Variants in PLCB1 observed in about 807,000 individuals in gnomAD.
PLCB1 encodes 1-phosphatidylinositol 4,5-bisphosphate phosphodiesterase beta-1.
A neutral mutation model predicts 161.8 loss-of-function variants in PLCB1; 46 were observed. That is an observed-to-expected ratio of 0.28 (90% CI 0.22 to 0.36). PLCB1 has a LOEUF of 0.36. Among genes scored for constraint, PLCB1 ranks in the 10% least tolerant of loss-of-function variants. PLCB1 has a pLI of 1.00. For synonymous variants in PLCB1, 517 were observed against 503.7 expected (o/e 1.03, Z -0.35); for missense variants, 1,016 against 1,472.5 (o/e 0.69, Z 5.07).
intron 2 of PLCB1, among the ~76,000 whole-genome samples, chr20:8,255,141 T>G (rs919699602): frequency 6.6e-6 from 1 of 152,060 alleles, no homozygotes; most frequent in African/African-American, 2.4e-5. Flanking sequence ...AACTCCAGTG[T>G]TTTTCAAACT....
In PLCB1 at chr20:8,871,359, G is replaced by A. The variant is rs576926425; in HGVS notation, c.3424-10263G>A. Among the ~76,000 whole-genome samples the A allele has an allele frequency of 2.0e-5, 3 of 152,288 alleles. No homozygotes were observed. In the East Asian group the frequency reaches 5.8e-4, roughly 29 times the overall value. On this transcript the variant is annotated intron_variant, in intron 31 of 31. Coordinates refer to ENST00000338037, the MANE Select transcript of PLCB1 (RefSeq NM_015192.4). ...GTCATCTATTGTATGTCCAATGGAG[G>A]AAGTGTTGAGAGCTTCTGCCCAAAA...
intron 31 of PLCB1, among the ~76,000 whole-genome samples, chr20:8,817,064 A>G (rs139245873): frequency 2.4e-3 from 363 of 152,328 alleles, no homozygotes; most frequent in African/African-American, 8.3e-3. Context: ...GTGATTCTGA[A>G]GCAATCCTGA....
chr20:8,175,011 G>A (rs2051768085), intron 2 of PLCB1, among the ~76,000 whole-genome samples: 1 of 152,158 alleles, frequency 6.6e-6, no homozygotes, highest in South Asian at 2.1e-4. Flanking sequence ...TGAGGGGGCA[G>A]TGAGCTGTCA....
intron 3 of PLCB1, among the ~76,000 whole-genome samples, chr20:8,405,979 T>C (rs571974610): frequency 1.3e-5 from 2 of 152,192 alleles, no homozygotes; most frequent in African/African-American, 4.8e-5. Flanking sequence ...ACAAGATAAA[T>C]TGACAAACAC....
intron 2 of PLCB1, among the ~76,000 whole-genome samples, chr20:8,173,316 A>C (rs1265238252): frequency 6.6e-6 from 1 of 152,140 alleles, no homozygotes; most frequent in African/African-American, 2.4e-5. Flanking sequence ...CCAAGATGCT[A>C]TTCTCTCACC....
intron 31 of PLCB1, among the ~76,000 whole-genome samples, chr20:8,827,430 C>T (rs1203582739): frequency 6.6e-6 from 1 of 152,066 alleles, no homozygotes; most frequent in Non-Finnish European, 1.5e-5. Flanking sequence ...TTAATGTAGG[C>T]AAGAGATAAG....
intron 3 of PLCB1, among the ~76,000 whole-genome samples, chr20:8,447,793 A>T (rs930344470): frequency 2.6e-5 from 4 of 152,148 alleles, no homozygotes; most frequent in African/African-American, 9.7e-5. Flanking sequence ...TTTAGCAGGA[A>T]CTCCTGCAAT....
chr20:8,450,173 G>T (rs1296234112), intron 3 of PLCB1, among the ~76,000 whole-genome samples: 1 of 152,122 alleles, frequency 6.6e-6, no homozygotes, highest in East Asian at 1.9e-4. Flanking sequence ...TCCTGGAAGT[G>T]CTCTGCTATT....
chr20:8,549,151 A>T (rs1462794454), intron 3 of PLCB1, among the ~76,000 whole-genome samples: 1 of 152,172 alleles, frequency 6.6e-6, no homozygotes, highest in African/African-American at 2.4e-5. Context: ...GTATCCTAGA[A>T]CTTAAAGTAA....
chr20:8,336,096 C>T (rs957381930), intron 2 of PLCB1, among the ~76,000 whole-genome samples: 1 of 152,142 alleles, frequency 6.6e-6, no homozygotes, highest in Non-Finnish European at 1.5e-5. Flanking sequence ...ATTTTTAGCT[C>T]TCTGAGGAAG....
intron 3 of PLCB1, among the ~76,000 whole-genome samples, chr20:8,553,850 C>T (rs1337048298): frequency 6.6e-6 from 1 of 151,512 alleles, no homozygotes; most frequent in African/African-American, 2.4e-5. Context: ...AAAATCAAAA[C>T]AATTAGCTGG....
chr20:8,793,678 G>A (rs1218066172), intron 31 of PLCB1, among the ~76,000 whole-genome samples: 2 of 152,152 alleles, frequency 1.3e-5, no homozygotes, highest in East Asian at 1.9e-4. Context: ...GAGGCAGGGC[G>A]AGATCACAGG....
intron 31 of PLCB1, among the ~76,000 whole-genome samples, chr20:8,851,233 G>T (rs1986874291): frequency 6.6e-6 from 1 of 152,140 alleles, no homozygotes; most frequent in Non-Finnish European, 1.5e-5. Flanking sequence ...ATCACTGTTT[G>T]TTACCTTATA....
chr20:8,163,979 A>G (rs534752086), intron 2 of PLCB1, among the ~76,000 whole-genome samples: 22 of 152,300 alleles, frequency 1.4e-4, no homozygotes, highest in Admixed American at 4.6e-4. Context: ...TTTACAGTGG[A>G]AAAATGGCTG....
chr20:8,261,280 A>G (rs1386836860), intron 2 of PLCB1, among the ~76,000 whole-genome samples: 2 of 152,130 alleles, frequency 1.3e-5, no homozygotes, highest in East Asian at 3.9e-4. Flanking sequence ...AGAGAGAGAA[A>G]GAGAACTTCA....
At chr20:8,636,011 A>G (rs1020703295) in intron 4 of PLCB1, among the ~76,000 whole-genome samples, 1 of 152,158 alleles carries the variant, frequency 6.6e-6, no homozygotes, top group Non-Finnish European at 1.5e-5. Context: ...TCTCGTTTCT[A>G]TTTTGAATTT....
At chr20:8,236,064 G>A (rs181687297) in intron 2 of PLCB1, among the ~76,000 whole-genome samples, 15 of 152,096 alleles carry the variant, frequency 9.9e-5, no homozygotes, top group African/African-American at 3.6e-4. Context: ...TTCAAACTTG[G>A]AAAATGACTC....
intron 3 of PLCB1, among the ~76,000 whole-genome samples, chr20:8,523,496 C>CTCTCTCTCTATATATATATATATATA: frequency 5.8e-5 from 3 of 51,648 alleles, no homozygotes; most frequent in Admixed American, 2.4e-4. Flanking sequence ...CTCTCTCTCT[C>CTCTCTCTCTATATATATATATATATA]TATATATATA....
intron 9 of PLCB1, among the ~76,000 whole-genome samples, chr20:8,672,333 T>A (rs1989967355): frequency 6.6e-6 from 1 of 151,936 alleles, no homozygotes; most frequent in Non-Finnish European, 1.5e-5. Flanking sequence ...AACAATATGC[T>A]GGAAATATTT....
Sources: gnomAD v4.1 joint callset for allele counts (sites outside exome capture counted in the v4.1 genomes callset) on GRCh38, gnomAD v4.1.1 for gene constraint, MANE v1.5 for transcripts, NCBI Gene and HGNC (gene_info 2026-07-23, HGNC 2026-07-21) for gene names.